Variants in NDUFAF6 observed in about 807,000 individuals in gnomAD.
The protein encoded by NDUFAF6 is NADH:ubiquinone oxidoreductase complex assembly factor 6.
Under a neutral mutation model 40.8 loss-of-function variants are expected in NDUFAF6, and 45 were observed. The ratio of observed to expected loss-of-function variants is 1.10; its 90% CI spans 0.87 to 1.42. The LOEUF is 1.42. Ranked by LOEUF, NDUFAF6 falls within the 40% of genes most tolerant of loss-of-function variation. The pLI is 0.00. For synonymous variants in NDUFAF6, 185 were observed against 155.9 expected, an observed-to-expected ratio of 1.19 and a Z score of -1.39; for missense variants, 435 against 418.5, an observed-to-expected ratio of 1.04 and a Z score of -0.34.
Position 94,985,134 on chromosome 8 carries a change from A to G in NDUFAF6, c.-84+4161A>G, listed in dbSNP as rs183730930. 1.0e-3 allele frequency among the ~76,000 whole-genome samples: 156 copies of G among 152,084 alleles called. 2 individuals are homozygous for G. Among genetic ancestry groups the G allele is most frequent in the African/African-American group, 3.7e-3 (152 of 41,464 alleles). ...ATCTAAGGTGGGGGGTTCTAGAAAT[A>G]ATTTTCTCCCTAATCAAAAAAGACT... On this transcript the variant is annotated intron_variant, in intron 2 of 9. Transcript: ENST00000396111.
At chr8:94,936,869 T>C (rs935131082) in intron 1 of NDUFAF6, among the ~76,000 whole-genome samples, 3 of 152,152 alleles carry the variant, frequency 2.0e-5, no homozygotes, top group Non-Finnish European at 4.4e-5. Context: ...GACATTCCTC[T>C]TCTACTCTCT....
At chr8:95,087,675 A>G (rs1041389433) in intron 2 of NDUFAF6, 1 of 152,204 alleles carries the variant, frequency 6.6e-6, no homozygotes, top group Non-Finnish European at 1.5e-5. Context: ...AAGAGATCCC[A>G]ATTTCCTTCC....
upstream of NDUFAF6, among the ~76,000 whole-genome samples, chr8:95,099,028 G>T (rs1420695767): frequency 6.6e-6 from 1 of 151,934 alleles, no homozygotes; most frequent in Non-Finnish European, 1.5e-5. Context: ...ATCACCTGAG[G>T]TCAGGAGTTT....
At position 94,930,661 on chromosome 8, in the gene NDUFAF6, T is replaced by C. The variant is rs764011815; in HGVS notation, c.-935-14822T>C. ...AAGCTCTTGGGTTGTTCCAGAAAAG[T>C]TGTATGAGCAGCAAGAGCTGCAACA... On this transcript the variant is annotated intron_variant, in intron 1 of 14. Coordinates refer to the NDUFAF6 transcript ENST00000396113. 13 of 1,614,240 alleles carry C rather than the reference T, an allele frequency of 8.1e-6. No individual in the cohort carries two copies. In the South Asian group the frequency reaches 1.2e-4, roughly 15 times the overall value.
At chr8:94,909,039 TC>T (rs1208678459) in intron 1 of NDUFAF6, among the ~76,000 whole-genome samples, 2 of 152,054 alleles carry the variant, frequency 1.3e-5, no homozygotes, top group African/African-American at 2.4e-5. Context: ...AAGGTACACA[TC>T]CAGTTTAGGA....
intron 9 of NDUFAF6, among the ~76,000 whole-genome samples, chr8:95,070,540 C>T (rs1384959229): frequency 3.3e-5 from 5 of 151,070 alleles, no homozygotes; most frequent in South Asian, 4.1e-4. Flanking sequence ...ATTTTTACTT[C>T]TTCTAACTTC....
In NDUFAF6 at chr8:95,047,014, G is replaced by C; in HGVS notation, c.601G>C (p.Asp201His). The C allele has an allele frequency of 1.2e-6, 2 of 1,614,124 alleles. No homozygotes were observed. The highest frequency in any genetic ancestry group is 8.5e-7 in the Non-Finnish European group (1 of 1,180,016). ...EILGIKDLHA[D>H]HAASHIGKAQ... ...CATAGGTATAAAGGATCTTCATGCA[G>C]ATCATGCTGCAAGTCATATTGGAAA... The change falls in exon 6 of 9, where the codon GAT (aspartate) becomes CAT (histidine). Residue 201 changes from aspartate (D) to histidine (H), a missense_variant. Coordinates refer to ENST00000396124, the MANE Select transcript of NDUFAF6 (RefSeq NM_152416.4).
chr8:94,980,442 GTTTTT>G (rs869184585), intron 1 of NDUFAF6, among the ~76,000 whole-genome samples: 1 of 107,926 alleles, frequency 9.3e-6, no homozygotes, highest in African/African-American at 3.6e-5. Flanking sequence ...TGGTTTTTTT[GTTTTT>G]TTTTTTTTTT....
chr8:94,949,751 C>G (rs7003387), intron 2 of NDUFAF6, among the ~76,000 whole-genome samples: 69,905 of 151,896 alleles, frequency 0.46, 17,079 homozygotes, highest in East Asian at 0.72. Context: ...TCAGCGACCC[C>G]TCTCGCCGAG....
chr8:94,980,807 A>G, intron 1 of NDUFAF6: 1 of 386,160 alleles, frequency 2.6e-6, no homozygotes, highest in South Asian at 1.9e-5. Context: ...ATAGTTGTTT[A>G]CCTCCATTAC....
intron 2 of NDUFAF6, among the ~76,000 whole-genome samples, chr8:94,952,876 C>T (rs999877497): frequency 2.6e-5 from 4 of 152,186 alleles, no homozygotes; most frequent in African/African-American, 9.6e-5. Flanking sequence ...AGGAGGCGGG[C>T]CCCCTTCATT....
At chr8:94,987,272 C>T (rs967453188) in intron 2 of NDUFAF6, among the ~76,000 whole-genome samples, 2 of 152,224 alleles carry the variant, frequency 1.3e-5, no homozygotes, top group Admixed American at 6.5e-5. Context: ...TCATCCACCC[C>T]TCCAGGTGCC....
chr8:95,030,322 C>G (rs1191303535), intron 1 of NDUFAF6, among the ~76,000 whole-genome samples: 1 of 152,116 alleles, frequency 6.6e-6, no homozygotes, highest in Non-Finnish European at 1.5e-5. Flanking sequence ...AACTCCTGGG[C>G]TCAAGTAATC....
chr8:94,986,062 A>G (rs1434594627), intron 2 of NDUFAF6, among the ~76,000 whole-genome samples: 1 of 151,742 alleles, frequency 6.6e-6, no homozygotes, highest in Non-Finnish European at 1.5e-5. Context: ...TTTAGTAGAG[A>G]TGGGGTTTCA....
intron 4 of NDUFAF6, among the ~76,000 whole-genome samples, chr8:95,044,839 A>T (rs1166635639): frequency 6.6e-6 from 1 of 151,190 alleles, no homozygotes; most frequent in Admixed American, 6.6e-5. Flanking sequence ...GAAATAGGGG[A>T]TAATATTTTG....
chr8:95,000,804 C>T (rs1826693815), intron 2 of NDUFAF6, among the ~76,000 whole-genome samples: 1 of 151,834 alleles, frequency 6.6e-6, no homozygotes, highest in Non-Finnish European at 1.5e-5. Flanking sequence ...GGGGTGGAGA[C>T]ACACATCTGT....
chr8:95,078,662 A>AAATATATATATAT (rs545018367), downstream of NDUFAF6: 10 of 121,042 alleles, frequency 8.3e-5, no homozygotes, highest in African/African-American at 3.3e-4. Context: ...AAAAAAAAAA[A>AAATATATATATAT]ATATATATAT....
chr8:94,902,886 AC>A (rs1428241569), intron 1 of NDUFAF6, among the ~76,000 whole-genome samples: 2 of 151,708 alleles, frequency 1.3e-5, no homozygotes, highest in Non-Finnish European at 2.9e-5. Flanking sequence ...AGTAGAGACT[AC>A]TAAATGACGT....
At chr8:95,032,461 T>C (rs1828968113) in intron 2 of NDUFAF6, among the ~76,000 whole-genome samples, 1 of 152,250 alleles carries the variant, frequency 6.6e-6, no homozygotes, top group Admixed American at 6.5e-5. Context: ...TTTCAAAGCA[T>C]TTTTTAAATT....
Sources: allele counts gnomAD v4.1 joint callset (sites outside exome capture counted in the v4.1 genomes callset), GRCh38; gene constraint gnomAD v4.1.1; transcripts MANE v1.5; gene names NCBI Gene and HGNC (gene_info 2026-07-23, HGNC 2026-07-21).